The following CEP70 variants were observed in gnomAD, a reference collection of about 807,000 sequenced individuals.
CEP70 encodes centrosomal protein of 70 kDa.
Under a neutral mutation model 90.9 loss-of-function variants are expected in CEP70, and 70 were observed. The ratio of observed to expected loss-of-function variants is 0.77; its 90% CI spans 0.64 to 0.94. The LOEUF (loss-of-function observed/expected upper bound fraction) is 0.94, where lower values mean the gene tolerates loss of function less well. Ranked by LOEUF, CEP70 falls within the 40% of genes least tolerant of loss-of-function variation. CEP70 has a pLI of 0.00. For missense variants in CEP70, 648 were observed against 669.0 expected, an observed-to-expected ratio of 0.97 and a Z score of 0.35; for synonymous variants, 220 against 228.3, an observed-to-expected ratio of 0.96 and a Z score of 0.33.
chr3:138,526,823 C>G (rs987059771), intron 10 of CEP70, among the ~76,000 whole-genome samples: 4 of 152,070 alleles, frequency 2.6e-5, no homozygotes, highest in African/African-American at 9.7e-5. Flanking sequence ...GAGTAAATTT[C>G]AAATGTTTTC....
intron 11 of CEP70, among the ~76,000 whole-genome samples, chr3:138,520,285 A>G (rs1249899354): frequency 1.3e-5 from 2 of 152,090 alleles, no homozygotes; most frequent in African/African-American, 4.8e-5. Context: ...GAGACAGAAA[A>G]TTAAGAAGGA....
At position 138,540,056 on chromosome 3, in the gene CEP70, T is replaced by C. The variant is rs1379490846; in HGVS notation, c.466-2709A>G. The stretch of plus-strand genomic sequence containing the variant: ...CAGAATGGGAGGAGACATCTGAAAC[T>C]ATGCATCCGACAAAGGTCTAACGGC... On this transcript the variant is annotated intron_variant, in intron 6 of 17. Transcript: ENST00000264982. Among the ~76,000 whole-genome samples, 7 of 152,208 alleles carry C rather than the reference T, an allele frequency of 4.6e-5. 1 individual carries two copies.
intron 11 of CEP70, among the ~76,000 whole-genome samples, chr3:138,522,249 CT>C (rs1043820465): frequency 1.2e-4 from 18 of 150,952 alleles, no homozygotes; most frequent in African/African-American, 4.4e-4. Flanking sequence ...CCAAATCCCC[CT>C]CTCCGAGAAA....
At position 138,522,719 on chromosome 3, in the gene CEP70, G is replaced by T. The variant is rs1411715117; in HGVS notation, c.944+2771C>A. Among the ~76,000 whole-genome samples, 3 of 152,282 alleles carry T rather than the reference G, an allele frequency of 2.0e-5. No homozygotes were observed. In the South Asian group the frequency reaches 6.2e-4, roughly 32 times the overall value. The stretch of plus-strand genomic sequence containing the variant: ...TAGACCAATAATAGGCTCTGAAATT[G>T]AGGCAATAATTAATAGCTTACCAAC... On this transcript the variant is annotated intron_variant, in intron 11 of 17. Transcript: ENST00000264982.
chr3:138,527,669 T>C (rs1576659180), intron 10 of CEP70, among the ~76,000 whole-genome samples: 1 of 141,316 alleles, frequency 7.1e-6, no homozygotes, highest in Non-Finnish European at 1.5e-5. Flanking sequence ...CACTCCAGCC[T>C]GGGCGACAGA....
chr3:138,563,515 A>G (rs1457645198), intron 6 of CEP70, among the ~76,000 whole-genome samples: 3 of 152,238 alleles, frequency 2.0e-5, no homozygotes, highest in Non-Finnish European at 2.9e-5. Flanking sequence ...CCACAGTGCA[A>G]TCAACTTAGA....
intron 6 of CEP70, among the ~76,000 whole-genome samples, chr3:138,566,363 T>C (rs1375105775): frequency 6.6e-6 from 1 of 152,156 alleles, no homozygotes; most frequent in Non-Finnish European, 1.5e-5. Flanking sequence ...AATTCTACTA[T>C]AAAGACACAT....
intron 6 of CEP70, 94 bp downstream of exon 6, chr3:138,570,220 TAAAA>T: frequency 1.3e-6 from 1 of 753,288 alleles, no homozygotes; most frequent in Non-Finnish European, 2.1e-6. Flanking sequence ...CCAAAAAAGG[TAAAA>T]ACCACTGAAT....
At chr3:138,549,936 C>A (rs970924706) in intron 6 of CEP70, among the ~76,000 whole-genome samples, 2 of 152,146 alleles carry the variant, frequency 1.3e-5, no homozygotes, top group African/African-American at 4.8e-5. Flanking sequence ...GGTAGCCCTT[C>A]TGGGTGGTTA....
intron 6 of CEP70, among the ~76,000 whole-genome samples, chr3:138,550,770 A>C (rs1364027660): frequency 6.6e-6 from 1 of 152,242 alleles, no homozygotes; most frequent in Admixed American, 6.5e-5. Context: ...CAGAAGAAAG[A>C]ACTTCAGAGC....
At chr3:138,497,655 A>C (rs904961171) in intron 17 of CEP70, 1 of 975,900 alleles carries the variant, frequency 1.0e-6, no homozygotes, top group Admixed American at 6.2e-5. Flanking sequence ...TATATTTAAA[A>C]AATTTTGTAG....
At position 138,550,073 on chromosome 3, in the gene CEP70, G is replaced by A. The variant is rs191209061; in HGVS notation, c.466-12726C>T. On this transcript the variant is annotated intron_variant, in intron 6 of 17. Coordinates refer to ENST00000264982, the MANE Select transcript of CEP70 (RefSeq NM_024491.4). ...AAAAGAATCTGAACAGCAGCCTTGA[G>A]CCCCAGACCTTCCCACTGACATAGC... Among the ~76,000 whole-genome samples the A allele has an allele frequency of 5.3e-5, 8 of 152,236 alleles. No individual in the cohort carries two copies. In the East Asian group the frequency reaches 1.5e-3, roughly 29 times the overall value.
intron 13 of CEP70, among the ~76,000 whole-genome samples, chr3:138,504,070 T>A (rs1410715011): frequency 6.6e-6 from 1 of 152,176 alleles, no homozygotes; most frequent in Non-Finnish European, 1.5e-5. Flanking sequence ...CTTTTTCTAG[T>A]CCATCCCTTC....
At chr3:138,546,549 G>A (rs754702341) in intron 6 of CEP70, among the ~76,000 whole-genome samples, 12 of 152,034 alleles carry the variant, frequency 7.9e-5, no homozygotes, top group African/African-American at 1.9e-4. Context: ...AGGAGTTCGC[G>A]ATCAGCCTGG....
intron 17 of CEP70, chr3:138,496,041 A>G (rs1321023961): frequency 6.1e-6 from 6 of 985,314 alleles, no homozygotes; most frequent in Non-Finnish European, 1.2e-6. Context: ...AGCCTAAGTT[A>G]GAATTCACTC....
chr3:138,508,161 A>G, intron 12 of CEP70, among the ~76,000 whole-genome samples: 1 of 152,216 alleles, frequency 6.6e-6, no homozygotes, highest in East Asian at 1.9e-4. Context: ...AATGGCTTAC[A>G]TGGGGAAAGT....
chr3:138,548,211 G>A (rs2039361164), intron 6 of CEP70, among the ~76,000 whole-genome samples: 1 of 152,116 alleles, frequency 6.6e-6, no homozygotes, highest in Non-Finnish European at 1.5e-5. Context: ...TGCAAAGATG[G>A]CTCAACATAC....
intron 2 of CEP70, among the ~76,000 whole-genome samples, chr3:138,589,737 G>T (rs1576969939): frequency 6.6e-6 from 1 of 152,028 alleles, no homozygotes; most frequent in African/African-American, 2.4e-5. Flanking sequence ...AGAAAAATTA[G>T]ATAATAATCT....
At chr3:138,559,834 A>G (rs913741870) in intron 6 of CEP70, among the ~76,000 whole-genome samples, 5 of 152,268 alleles carry the variant, frequency 3.3e-5, no homozygotes, top group Non-Finnish European at 5.9e-5. Flanking sequence ...TTGAATTCTC[A>G]GCAGAAACAA....
Sources: gnomAD v4.1 joint callset for allele counts (sites outside exome capture counted in the v4.1 genomes callset) on GRCh38, gnomAD v4.1.1 for gene constraint, MANE v1.5 for transcripts, NCBI Gene and HGNC (gene_info 2026-07-23, HGNC 2026-07-21) for gene names.